The following STK31 variants were observed in gnomAD, a reference collection of about 807,000 sequenced individuals.
The protein encoded by STK31 is serine/threonine kinase 31.
A neutral mutation model predicts 129.7 loss-of-function variants in STK31; 89 were observed. The ratio of observed to expected loss-of-function variants is 0.69; its 90% CI spans 0.58 to 0.82. The LOEUF is 0.82. STK31 is among the 40% of genes least tolerant of loss of function. The pLI is 0.00. For synonymous variants in STK31, 448 were observed against 395.3 expected (o/e 1.13, Z -1.58); for missense variants, 1,187 against 1,176.4 (o/e 1.01, Z -0.13).
intron 10 of STK31, among the ~76,000 whole-genome samples, chr7:23,756,388 G>A (rs556766591): frequency 5.3e-5 from 8 of 152,238 alleles, no homozygotes; most frequent in Admixed American, 3.9e-4. Flanking sequence ...AGTTCAAGAC[G>A]TTTTTGGGGT....
intron 5 of STK31, 22 bp from the exon 6 acceptor site, chr7:23,729,069 A>G: frequency 6.3e-7 from 1 of 1,576,790 alleles, no homozygotes; most frequent in Non-Finnish European, 8.6e-7. Context: ...CAGTATTCGT[A>G]TTTGTCTCTT....
At position 23,785,354 on chromosome 7, in the gene STK31, G is replaced by A; in HGVS notation, c.2149-124G>A. On this transcript the variant is annotated intron_variant, in intron 17 of 23. Coordinates refer to ENST00000355870, the MANE Select transcript of STK31 (RefSeq NM_031414.5). ...ACACAGTTTTAAAGATTTTAATTTT[G>A]TTGGTTTTTCCAGTACAGTTGATGG... is the stretch of plus-strand genomic sequence containing the variant. The A allele has an allele frequency of 1.5e-6, 2 of 1,329,922 alleles. 1 individual carries two copies. Among genetic ancestry groups the A allele is most frequent in the Non-Finnish European group, 2.0e-6 (2 of 983,464 alleles). The allele number at this position is 1,329,922 out of a possible 1,614,324, so 82.4% of individuals were successfully genotyped here. A position where few individuals can be genotyped will look rare whatever the true frequency, so the allele number is the denominator to read the frequency against.
intron 22 of STK31, among the ~76,000 whole-genome samples, chr7:23,801,194 T>C (rs12536714): frequency 0.47 from 70,790 of 152,032 alleles, 16,947 homozygotes; most frequent in Admixed American, 0.55. Context: ...AAAGTTTCAG[T>C]TCAGCATCAT....
intron 21 of STK31, 62 bp downstream of exon 21, chr7:23,788,191 TC>T: frequency 7.1e-7 from 1 of 1,402,602 alleles, no homozygotes; most frequent in Non-Finnish European, 9.6e-7. Flanking sequence ...AAGCAGTAGT[TC>T]AGCACTTATA....
intron 11 of STK31, 138 bp from the exon 12 acceptor site, chr7:23,768,857 T>TG: frequency 1.5e-6 from 1 of 681,764 alleles, no homozygotes; most frequent in Non-Finnish European, 2.2e-6. Flanking sequence ...CTCTATCTGA[T>TG]GATTCTAAGT....
rs1200245126 is a variant in STK31 at position 23,750,070 on chromosome 7, C to A, written c.1018-2647C>A. Among the ~76,000 whole-genome samples the A allele has an allele frequency of 4.3e-5, 5 of 116,690 alleles. 1 individual carries two copies. Among genetic ancestry groups the A allele is most frequent in the Admixed American group, 2.7e-4 (3 of 10,920 alleles). The allele number at this position is 116,690 out of a possible 152,430, so 76.6% of individuals were successfully genotyped here. On this transcript the variant is annotated intron_variant, in intron 8 of 23. Coordinates refer to ENST00000355870, the MANE Select transcript of STK31 (RefSeq NM_031414.5). ...GGATATTTCAGAATGGTTTGTTTCC[C>A]CCCCCGCCACTGCTGGAAACATGAG...
At chr7:23,768,413 A>G (rs1240453636) in intron 11 of STK31, among the ~76,000 whole-genome samples, 1 of 152,192 alleles carries the variant, frequency 6.6e-6, no homozygotes, top group Non-Finnish European at 1.5e-5. Context: ...GATTGTCCAT[A>G]TATATGTTTA....
chr7:23,808,970 T>TGTGTGTGTGTGTGTGCGC (rs60631283), intron 22 of STK31, among the ~76,000 whole-genome samples: 6,727 of 139,574 alleles, frequency 0.048, 260 homozygotes, highest in East Asian at 0.085. Context: ...TGTGTGTGTG[T>TGTGTGTGTGTGTGTGCGC]GCCTGTGTCT....
chr7:23,769,532 T>C (rs1225539710), intron 12 of STK31, 108 bp from the exon 13 acceptor site: 11 of 736,392 alleles, frequency 1.5e-5, no homozygotes, highest in Non-Finnish European at 2.4e-5. Flanking sequence ...TTCCTAGTTC[T>C]TTTACATTGC....
At chr7:23,796,197 C>A (rs1584461662) in intron 22 of STK31, among the ~76,000 whole-genome samples, 1 of 152,258 alleles carries the variant, frequency 6.6e-6, no homozygotes, top group African/African-American at 2.4e-5. Flanking sequence ...GTGGTTCCCC[C>A]ATACTGTTCT....
At chr7:23,732,754 G>T (rs1357698776) in intron 6 of STK31, among the ~76,000 whole-genome samples, 2 of 152,142 alleles carry the variant, frequency 1.3e-5, no homozygotes, top group African/African-American at 2.4e-5. Context: ...TTCACGTATT[G>T]CCCAAAGACA....
Position 23,772,284 on chromosome 7 carries a change from G to A in STK31, c.1965+6G>A, listed in dbSNP as rs764334569. 2.5e-6 allele frequency: 4 copies of A among 1,599,348 alleles called. No individual in the cohort carries two copies. The African/African-American group carries it at 4.1e-5, about 16-fold the overall frequency. On this transcript the variant is annotated splice_donor_region_variant and intron_variant, in intron 15 of 23. Transcript: ENST00000355870. ...AAAAGAGTAATTTGGAAGAGGTAAG[G>A]AAACAGTTGTTTCTTACTGATCTTT...
chr7:23,819,827 A>C (rs906366435), intron 23 of STK31, among the ~76,000 whole-genome samples: 2 of 152,190 alleles, frequency 1.3e-5, no homozygotes, highest in African/African-American at 4.8e-5. Context: ...GTTCTAATAC[A>C]AATAATGTCC....
In STK31 at chr7:23,727,306, C is replaced by T. The variant is rs568239177; in HGVS notation, c.315C>T (p.Ser105=). 8.1e-5 allele frequency: 130 copies of T among 1,612,950 alleles called. 1 individual carries two copies. In the East Asian group the frequency reaches 8.5e-4, roughly 11 times the overall value. The change falls in exon 5 of 24, where the codon AGC becomes AGT. Residue 105 remains serine, a synonymous_variant. Coordinates refer to ENST00000355870, the MANE Select transcript of STK31 (RefSeq NM_031414.5). ...WYRCKVLKII[S]VEKCLVRYID... is the part of the protein sequence containing the mutation. ...GATGCAAAGTACTGAAAATCATCAG[C>T]GTTGAAAAGGCAGGAAATTAAGTGT...
chr7:23,796,931 T>C (rs12533715), intron 22 of STK31, among the ~76,000 whole-genome samples: 50,245 of 127,540 alleles, frequency 0.39, 8,719 homozygotes, highest in South Asian at 0.54. Context: ...ACCAAGATAA[T>C]GGAAAGCAAA....
rs78582388 is a variant in STK31 at position 23,737,142 on chromosome 7, A to G, written c.1017+64A>G. ...GAAATCTGTGTACTCATCTGCTGCT[A>G]TTTATTTTTCTGTCACTTTCCTTTC... is the stretch of plus-strand genomic sequence containing the variant. On this transcript the variant is annotated intron_variant, in intron 8 of 23. Transcript: ENST00000355870. The G allele has an allele frequency of 4.7e-3, 6,287 of 1,350,738 alleles. 27 individuals carry two copies. Among genetic ancestry groups the G allele is most frequent in the Non-Finnish European group, 4.7e-3 (4,835 of 1,035,876 alleles). 83.7% of individuals were successfully genotyped at this position (1,350,738 alleles called of 1,614,324 possible). A position where few individuals can be genotyped will look rare whatever the true frequency, so the allele number is the denominator to read the frequency against.
At chr7:23,768,233 G>C (rs1465742843) in intron 11 of STK31, among the ~76,000 whole-genome samples, 2 of 151,996 alleles carry the variant, frequency 1.3e-5, no homozygotes, top group Non-Finnish European at 2.9e-5. Flanking sequence ...ACATTATTCA[G>C]CACAGTAACA....
rs546898967 is a variant in STK31 at position 23,735,411 on chromosome 7, A to G, written c.484-127A>G. 8.9e-6 allele frequency: 7 copies of G among 787,980 alleles called. No homozygotes were observed. In the South Asian group the frequency reaches 1.4e-4, roughly 16 times the overall value. The allele number at this position is 787,980 out of a possible 1,614,324, so 48.8% of individuals were successfully genotyped here. Reference sequence around the variant, plus strand: ...GTGGAGATGCATATTTGCATATTATAGCCAACAGCAAAGTAATATAGAGAT... The same window carrying G: ...GTGGAGATGCATATTTGCATATTATGGCCAACAGCAAAGTAATATAGAGAT... On this transcript the variant is annotated intron_variant, in intron 6 of 23. Coordinates refer to ENST00000355870, the MANE Select transcript of STK31 (RefSeq NM_031414.5).
intron 22 of STK31, among the ~76,000 whole-genome samples, chr7:23,795,226 C>T (rs1370081445): frequency 6.6e-6 from 1 of 152,204 alleles, no homozygotes; most frequent in Non-Finnish European, 1.5e-5. Flanking sequence ...ACATGGTGCC[C>T]TGTGTCCCAC....
Sources: gnomAD v4.1 joint callset for allele counts (sites outside exome capture counted in the v4.1 genomes callset) on GRCh38, gnomAD v4.1.1 for gene constraint, MANE v1.5 for transcripts, NCBI Gene and HGNC (gene_info 2026-07-23, HGNC 2026-07-21) for gene names.